ZDHHC8: variants seen among roughly 807,000 people sequenced by gnomAD.
The protein encoded by ZDHHC8 is zDHHC palmitoyltransferase 8, also known as palmitoyltransferase ZDHHC8.
A neutral mutation model predicts 61.2 loss-of-function variants in ZDHHC8; 24 were observed. That is an observed-to-expected ratio of 0.39 (90% CI 0.28 to 0.55). The LOEUF (loss-of-function observed/expected upper bound fraction) is 0.55. ZDHHC8 is among the 20% of genes least tolerant of loss of function. ZDHHC8 has a pLI of 0.60. For synonymous variants in ZDHHC8, 523 were observed against 492.5 expected (o/e 1.06, Z -0.82); for missense variants, 935 against 1,102.1 (o/e 0.85, Z 2.15).
intron 1 of ZDHHC8, 35 bp from the exon 2 acceptor site, chr22:20,139,159 C>A: frequency 6.2e-7 from 1 of 1,603,138 alleles, no homozygotes; most frequent in Non-Finnish European, 8.5e-7. Flanking sequence ...TCTGCACCCC[C>A]AGACTCCACT....
chr22:20,136,609 G>A lies in ZDHHC8; in HGVS notation c.105-2585G>A, dbSNP rs903500626. 5.3e-5 allele frequency among the ~76,000 whole-genome samples: 8 copies of A among 152,216 alleles called. No homozygotes were observed. The East Asian group carries it at 9.6e-4, about 18-fold the overall frequency. On this transcript the variant is annotated intron_variant, in intron 1 of 10. Transcript: ENST00000334554. ...TGTGTCTATGCATGCCTGTGTTCACGCGTGTTCACACATAGGTCTTGGTGG... is the reference window on the plus strand; with the variant it reads ...TGTGTCTATGCATGCCTGTGTTCACACGTGTTCACACATAGGTCTTGGTGG...
intron 4 of ZDHHC8, 73 bp downstream of exon 4, chr22:20,139,965 C>T (rs2050453810): frequency 5.0e-6 from 8 of 1,595,754 alleles, no homozygotes; most frequent in African/African-American, 1.3e-5. Flanking sequence ...GGAGATTGAG[C>T]CTCAGAAGGC....
chr22:20,143,606 G>A lies in ZDHHC8; in HGVS notation c.1976G>A (p.Arg659Gln), dbSNP rs781662370. The A allele has an allele frequency of 1.1e-5, 18 of 1,602,134 alleles. No individual in the cohort carries two copies. The highest frequency in any genetic ancestry group is 3.3e-5 in the South Asian group (3 of 90,646). ...GCCAGCAGCAACGCCCCGGGGCCCC[G>A]GCCCAGCAGTGGCTCACACAGGTCA... ...DQASSNAPGPRPSSGSHRSPA... is the reference protein window; with the variant it reads ...DQASSNAPGPQPSSGSHRSPA... Residue 659 changes from arginine (R) to glutamine (Q), a missense_variant, in exon 10 of 11, where the codon CGG becomes CAG. Arg to Gln is a conservative substitution (Grantham distance 43). Transcript: ENST00000334554.
In ZDHHC8 at chr22:20,139,199, C is replaced by G; in HGVS notation, c.110C>G (p.Pro37Arg). 6.2e-7 allele frequency: 1 copy of G among 1,613,116 alleles called. No homozygotes were observed. Among genetic ancestry groups the G allele is most frequent in the East Asian group, 2.2e-5 (1 of 44,888 alleles). ...GCCCCCACTGTCTACTGCAGGTGCCCGTGGTTGACACGAGCTGTGTCCCCA... is the reference window on the plus strand; with the variant it reads ...GCCCCCACTGTCTACTGCAGGTGCCGGTGGTTGACACGAGCTGTGTCCCCA... Reference protein sequence around the residue: ...SSTLFFVFTCPWLTRAVSPAV... With the variant: ...SSTLFFVFTCRWLTRAVSPAV... The change falls in exon 2 of 11, where the codon CCG (proline) becomes CGG (arginine). Residue 37 changes from proline to arginine, a missense_variant. Around this residue, in one of 3 missense-constraint regions of ZDHHC8, gnomAD observed 199 missense variants for 334.0 expected, o/e 0.60. Transcript: ENST00000334554.
chr22:20,144,761 T>C (rs180681158), intron 10 of ZDHHC8, among the ~76,000 whole-genome samples: 67 of 152,316 alleles, frequency 4.4e-4, no homozygotes, highest in Admixed American at 1.2e-3. Context: ...GGCTCTCGCC[T>C]CAAGAAGGTT....
rs757690031 is a variant in ZDHHC8, at chr22:20,143,227, C to T, written c.1597C>T (p.Pro533Ser). The T allele has an allele frequency of 1.9e-6, 3 of 1,607,266 alleles. No homozygotes were observed. The highest frequency in any genetic ancestry group is 2.2e-5 in the East Asian group (1 of 44,854). ...RSFSPVLGPR[P>S]REPSPVRYDN... ...CTTCAGCCCCGTGCTGGGCCCCCGC[C>T]CCCGGGAGCCCTCGCCTGTGCGCTA... The change falls in exon 10 of 11, where the codon CCC becomes TCC. Residue 533 changes from proline (P) to serine (S), a missense_variant. Pro to Ser is a moderately conservative substitution (Grantham distance 74, BLOSUM62 -1). Transcript: ENST00000334554.
At chr22:20,143,810 G>T in intron 10 of ZDHHC8, 54 bp downstream of exon 10, 1 of 1,540,922 alleles carries the variant, frequency 6.5e-7, no homozygotes, top group Non-Finnish European at 8.7e-7. Flanking sequence ...CTGTCCAGCC[G>T]TCTCCAGGGC....
chr22:20,140,110 G>T lies in ZDHHC8; in HGVS notation c.558-5G>T, dbSNP rs560537198. 6.2e-7 allele frequency: 1 copy of T among 1,613,582 alleles called. No homozygotes were observed. Among genetic ancestry groups the T allele is most frequent in the African/African-American group, 1.3e-5 (1 of 74,936 alleles). On this transcript the variant is annotated splice_region_variant and splice_polypyrimidine_tract_variant and intron_variant, in intron 4 of 10. Coordinates refer to ENST00000334554, the MANE Select transcript of ZDHHC8 (RefSeq NM_013373.4). ...TGGCCTGCACCGTTGGCCTTAACGG[G>T]CTAGCATGGCTGTCATGTGTGTGGC...
chr22:20,135,558 C>T (rs911551610), intron 1 of ZDHHC8, among the ~76,000 whole-genome samples: 4 of 152,240 alleles, frequency 2.6e-5, no homozygotes, highest in Non-Finnish European at 5.9e-5. Flanking sequence ...CCTGGAGGCC[C>T]AGCTCAGGAC....
In ZDHHC8 at chr22:20,145,285, T is replaced by C; in HGVS notation, c.2183T>C (p.Leu728Pro). The change falls in exon 11 of 11, where the codon CTG becomes CCG. Residue 728 changes from leucine to proline, a missense_variant. By Grantham distance (98) the Leu-to-Pro change is moderately conservative (BLOSUM62 -3). Transcript: ENST00000334554. ...AAGCTTAATGGGCAGTCCCCGGGCC[T>C]GGCCCGGCTGGGACCTGCCACCGGC... is the stretch of plus-strand genomic sequence containing the variant. ...PSKLNGQSPG[L>P]ARLGPATGPP... is the part of the protein sequence containing the mutation. 6.3e-7 allele frequency: 1 copy of C among 1,581,652 alleles called. No individual in the cohort carries two copies. The highest frequency in any genetic ancestry group is 1.1e-5 in the South Asian group (1 of 88,200).
At chr22:20,140,746 G>T (rs757256754) in intron 6 of ZDHHC8, 38 bp downstream of exon 6, 1 of 1,599,800 alleles carries the variant, frequency 6.3e-7, no homozygotes. Flanking sequence ...GGGGGCCTCT[G>T]CTGGGTGTGG....
intron 8 of ZDHHC8, 28 bp downstream of exon 8, chr22:20,141,365 AG>A (rs1355878912): frequency 1.9e-6 from 3 of 1,611,324 alleles, no homozygotes; most frequent in Admixed American, 1.7e-5. Flanking sequence ...ACGACTAGGG[AG>A]GGATATGGGT....
At chr22:20,145,124 C>G (rs1207171886) in intron 10 of ZDHHC8, 105 bp from the exon 11 acceptor site, 2 of 1,101,708 alleles carry the variant, frequency 1.8e-6, no homozygotes, top group East Asian at 5.7e-5. Context: ...CTCGGCTGCA[C>G]TAGTCCACGT....
intron 10 of ZDHHC8, among the ~76,000 whole-genome samples, chr22:20,144,680 T>C (rs571035659): frequency 6.6e-6 from 1 of 152,208 alleles, no homozygotes; most frequent in Non-Finnish European, 1.5e-5. Flanking sequence ...CTGGGAGTGA[T>C]GAGTGGGGAG....
chr22:20,135,407 A>G (rs2050411310), intron 1 of ZDHHC8, among the ~76,000 whole-genome samples: 1 of 152,202 alleles, frequency 6.6e-6, no homozygotes, highest in South Asian at 2.1e-4. Context: ...TTGCAGAATG[A>G]CAGGGACCCT....
In ZDHHC8 at chr22:20,141,441, A is replaced by T; in HGVS notation, c.1036A>T (p.Arg346Trp). 2 of 1,613,298 alleles carry T rather than the reference A, an allele frequency of 1.2e-6. No individual in the cohort carries two copies. The highest frequency in any genetic ancestry group is 1.7e-6 in the Non-Finnish European group (2 of 1,179,936). The change falls in exon 9 of 11, where the codon AGG (arginine) becomes TGG (tryptophan). Residue 346 changes from arginine to tryptophan, a missense_variant. By Grantham distance (101) the Arg-to-Trp change is moderately radical (BLOSUM62 -3). This residue lies in a region of ZDHHC8 where 692 missense variants were observed against 731.4 expected (regional missense o/e 0.95). Transcript: ENST00000334554. The part of the protein sequence containing the change: ...GSAESALSVQ[R>W]TSPPTPAMYK... ...CCCAGAGAGTGCCCTGTCGGTGCAG[A>T]GGACCAGCCCCCCGACACCTGCCAT...
rs764818959 is a variant in ZDHHC8, at chr22:20,141,403, A to C, written c.1016-18A>C. On this transcript the variant is annotated intron_variant, in intron 8 of 10. Coordinates refer to ENST00000334554, the MANE Select transcript of ZDHHC8 (RefSeq NM_013373.4). ...GACCCTCCTCTGACCTCAGTCTGAC[A>C]GTGGTCTGCATCCCCAGAGAGTGCC... 2 of 1,612,544 alleles carry C rather than the reference A, an allele frequency of 1.2e-6. No individual in the cohort carries two copies. The highest frequency in any genetic ancestry group is 1.7e-6 in the Non-Finnish European group (2 of 1,179,584).
chr22:20,137,525 G>A lies in ZDHHC8; in HGVS notation c.105-1669G>A, dbSNP rs182661827. ...TTCCCAGAGCAGGCCAGCCCCACGG[G>A]CATCATGAGGGCCTGCGTTTGGTTT... On this transcript the variant is annotated intron_variant, in intron 1 of 10. Transcript: ENST00000334554. 2.2e-3 allele frequency among the ~76,000 whole-genome samples: 329 copies of A among 152,396 alleles called. 2 individuals carry two copies. Among genetic ancestry groups the A allele is most frequent in the Non-Finnish European group, 1.9e-3 (131 of 68,038 alleles).
At position 20,146,627 on chromosome 22, in the gene ZDHHC8, G is replaced by C. The variant is rs1049131185; in HGVS notation, c.*1227G>C. ...GGGCTGAGTCAGAGGCTTGGGAAGA[G>C]GGGGCGGCCGATGGTCTGTGGCTGG... On this transcript the variant is annotated 3_prime_UTR_variant, in exon 11 of 11. Coordinates refer to ENST00000334554, the MANE Select transcript of ZDHHC8 (RefSeq NM_013373.4). 187 of 1,003,700 alleles carry C rather than the reference G, an allele frequency of 1.9e-4. No individual in the cohort carries two copies. Among genetic ancestry groups the C allele is most frequent in the Non-Finnish European group, 2.0e-4 (171 of 842,546 alleles). The allele number at this position is 1,003,700 out of a possible 1,614,324, so 62.2% of individuals were successfully genotyped here. A position where few individuals can be genotyped will look rare whatever the true frequency, so the allele number is the denominator to read the frequency against.
Sources: gnomAD v4.1 joint callset for allele counts (sites outside exome capture counted in the v4.1 genomes callset) on GRCh38, gnomAD v4.1.1 for gene constraint, gnomAD v4.1.1 regional missense constraint, MANE v1.5 for transcripts, NCBI Gene and HGNC (gene_info 2026-07-23, HGNC 2026-07-21) for gene names.